Variants in AFAP1L2 observed in about 807,000 individuals in gnomAD.
AFAP1L2 encodes the protein actin filament associated protein 1 like 2, also known as actin filament-associated protein 1-like 2.
In AFAP1L2, 46 loss-of-function variants were observed where a neutral mutation model predicts 99.3. That is an observed-to-expected ratio of 0.46 (90% CI 0.37 to 0.59). The LOEUF is 0.59. Among genes scored for constraint, AFAP1L2 ranks in the 20% least tolerant of loss-of-function variants. The pLI is 0.00. For missense variants in AFAP1L2, 959 were observed against 1,034.9 expected (o/e 0.93, Z 1.01); for synonymous variants, 397 against 419.1 (o/e 0.95, Z 0.64).
At chr10:114,286,132 G>C in the AFAP1L2 span, 1 of 1,614,114 alleles carries the variant, frequency 6.2e-7, no homozygotes, top group Non-Finnish European at 8.5e-7. Context: ...CGGTGCCTGT[G>C]GGGGAGTACC....
In AFAP1L2 at chr10:114,299,404, C is replaced by A. The variant is rs1182716735; in HGVS notation, c.1969G>T (p.Gly657Cys). 6.2e-7 allele frequency: 1 copy of A among 1,614,060 alleles called. No individual in the cohort carries two copies. Among genetic ancestry groups the A allele is most frequent in the Non-Finnish European group, 8.5e-7 (1 of 1,180,034 alleles). The change falls in exon 16 of 19, where the codon GGC becomes TGC. Residue 657 changes from glycine (G) to cysteine (C), a missense_variant. Physicochemically the swap from Gly to Cys is radical, Grantham distance 159. This residue lies in a region of AFAP1L2 where 576 missense variants were observed against 562.1 expected (regional missense o/e 1.02). Coordinates refer to ENST00000304129, the MANE Select transcript of AFAP1L2 (RefSeq NM_001001936.3). ...ACCTCAGCTTCTGTCCGATTCTTGC[C>A]AAGCTTGATCTCTACAGACCCAGAG... is the stretch of plus-strand genomic sequence containing the variant. ...LRVTSAEIKLGKNRTEAEVKR... is the reference protein window; with the variant it reads ...LRVTSAEIKLCKNRTEAEVKR...
chr10:114,365,723 C>CTCT (rs2053134052), intron 1 of AFAP1L2, among the ~76,000 whole-genome samples: 1 of 108,420 alleles, frequency 9.2e-6, no homozygotes, highest in African/African-American at 2.7e-5. Context: ...CTCTCTCTCT[C>CTCT]TTTTTTTTTT....
At chr10:114,353,803 T>A (rs1372496551) in intron 1 of AFAP1L2, among the ~76,000 whole-genome samples, 2 of 151,366 alleles carry the variant, frequency 1.3e-5, no homozygotes, top group African/African-American at 4.9e-5. Context: ...AGAGGATAAG[T>A]GGATAGAGGA....
intron 1 of AFAP1L2, among the ~76,000 whole-genome samples, chr10:114,361,819 C>G (rs1366146354): frequency 6.6e-6 from 1 of 152,100 alleles, no homozygotes; most frequent in African/African-American, 2.4e-5. Flanking sequence ...GAGTGTACAT[C>G]CACATGTCTC....
At chr10:114,371,443 C>T (rs890225387) in intron 1 of AFAP1L2, among the ~76,000 whole-genome samples, 1 of 152,106 alleles carries the variant, frequency 6.6e-6, no homozygotes, top group African/African-American at 2.4e-5. Flanking sequence ...GCAAAGCCCC[C>T]TCATCAGTCC....
the AFAP1L2 span, chr10:114,284,812 C>T: frequency 2.0e-6 from 3 of 1,533,116 alleles, no homozygotes; most frequent in Admixed American, 5.9e-5. Flanking sequence ...CCAGTCCTCT[C>T]CACTCCTCTG....
At chr10:114,297,521 C>T (rs2040445235) in intron 16 of AFAP1L2, 108 bp from the exon 17 acceptor site, 2 of 1,207,314 alleles carry the variant, frequency 1.7e-6, no homozygotes, top group Admixed American at 4.5e-5. Context: ...AGAAGGACCA[C>T]AGGTCTGGCC....
rs780140482 is a variant in AFAP1L2, at chr10:114,323,222, A to G, written c.355T>C (p.Ser119Pro). Residue 119 changes from serine to proline, a missense_variant, in exon 5 of 19, where the codon TCT (serine) becomes CCT (proline). This residue lies in a region of AFAP1L2 where 383 missense variants were observed against 472.8 expected (regional missense o/e 0.81). Transcript: ENST00000304129. ...RKQLAIPKTE[S>P]PEGYYEEAEP... is the part of the protein sequence containing the mutation. ...GCCTCTTCATAGTAGCCCTCTGGAG[A>G]CTCCGTCTTTGGGATGGCAAGCTGT... is the stretch of plus-strand genomic sequence containing the variant. The G allele has an allele frequency of 6.2e-7, 1 of 1,602,848 alleles. No individual in the cohort carries two copies. The highest frequency in any genetic ancestry group is 8.5e-7 in the Non-Finnish European group (1 of 1,174,136).
At chr10:114,282,692 G>T in the AFAP1L2 span, 2 of 806,066 alleles carry the variant, frequency 2.5e-6, no homozygotes, top group Non-Finnish European at 4.3e-6. Context: ...AGGGCAGAGG[G>T]ATGGGGCACT....
intron 2 of AFAP1L2, 82 bp downstream of exon 2, chr10:114,340,521 C>A: frequency 6.7e-7 from 1 of 1,501,696 alleles, no homozygotes; most frequent in Non-Finnish European, 9.0e-7. Flanking sequence ...AGCCTGTGAT[C>A]CTTAGCTATG....
chr10:114,383,879 G>T (rs765311502), intron 1 of AFAP1L2, among the ~76,000 whole-genome samples: 1 of 152,156 alleles, frequency 6.6e-6, no homozygotes, highest in Non-Finnish European at 1.5e-5. Context: ...GCTGACAGAG[G>T]CTCTCCCCGT....
chr10:114,325,777 C>G, intron 4 of AFAP1L2: 15 of 1,085,754 alleles, frequency 1.4e-5, no homozygotes, highest in Non-Finnish European at 1.8e-5. Context: ...TTCCTGGTCC[C>G]CCTGGTCAGC....
the AFAP1L2 span, among the ~76,000 whole-genome samples, chr10:114,283,514 G>GT: frequency 2.6e-5 from 4 of 152,234 alleles, no homozygotes; most frequent in Non-Finnish European, 5.9e-5. Flanking sequence ...GAGTGGAGCT[G>GT]TTTCTGCTCA....
rs201288504 is a variant in AFAP1L2, at chr10:114,302,392, A to G, written c.1377T>C (p.Tyr459=). ...KTDPEEFTYD[Y]VDADRVSCIV... Reference sequence around the variant, plus strand: ...TACAGGAGACCCTATCGGCATCCACATAGTCGTAGGTGAACTCTTCTGGGT... The same window carrying G: ...TACAGGAGACCCTATCGGCATCCACGTAGTCGTAGGTGAACTCTTCTGGGT... The change falls in exon 12 of 19, where the codon TAT becomes TAC. Residue 459 remains tyrosine (Y), a synonymous_variant. Transcript: ENST00000304129. The G allele has an allele frequency of 6.2e-6, 10 of 1,614,162 alleles. 1 individual carries two copies. Among genetic ancestry groups the G allele is most frequent in the South Asian group, 4.4e-5 (4 of 91,086 alleles).
At chr10:114,327,521 G>A (rs1040738332) in intron 4 of AFAP1L2, among the ~76,000 whole-genome samples, 1 of 152,104 alleles carries the variant, frequency 6.6e-6, no homozygotes, top group Non-Finnish European at 1.5e-5. Flanking sequence ...GACTGCGTGA[G>A]CGAGTCAGGC....
At chr10:114,286,483 G>A in the AFAP1L2 span, 4 of 1,589,046 alleles carry the variant, frequency 2.5e-6, no homozygotes, top group Admixed American at 5.1e-5. Flanking sequence ...CTGAGCTGCA[G>A]GGGAAGCTGT....
intron 1 of AFAP1L2, among the ~76,000 whole-genome samples, chr10:114,341,886 A>G (rs895772110): frequency 6.6e-6 from 1 of 152,300 alleles, no homozygotes; most frequent in Non-Finnish European, 1.5e-5. Flanking sequence ...AGAAGAAAGA[A>G]TTTGAGAGGC....
chr10:114,376,708 C>T (rs1336846068), intron 1 of AFAP1L2, among the ~76,000 whole-genome samples: 1 of 152,204 alleles, frequency 6.6e-6, no homozygotes, highest in Non-Finnish European at 1.5e-5. Flanking sequence ...AATTCAGACC[C>T]TGATAATGCA....
In AFAP1L2 at chr10:114,340,685, A is replaced by ATT; in HGVS notation, c.62_63insAA (p.Asp22MetfsTer6). On this transcript the variant is annotated frameshift_variant, in exon 2 of 19. Coordinates refer to ENST00000304129, the MANE Select transcript of AFAP1L2 (RefSeq NM_001001936.3). LOFTEE classifies it high-confidence loss of function. ...CTGTGCTGCTCAGGTTCTCCTGGTC[A>ATT]AGAATCTTGAGGAAGTCATCCAACT... 6.2e-7 allele frequency: 1 copy of ATT among 1,614,214 alleles called. No individual in the cohort carries two copies. The highest frequency in any genetic ancestry group is 8.5e-7 in the Non-Finnish European group (1 of 1,180,028).
Sources: allele counts gnomAD v4.1 joint callset (sites outside exome capture counted in the v4.1 genomes callset), GRCh38; gene constraint gnomAD v4.1.1; regional missense constraint gnomAD v4.1.1; transcripts MANE v1.5; gene names NCBI Gene and HGNC (gene_info 2026-07-23, HGNC 2026-07-21).